Variants in ZEB1 observed in about 807,000 individuals in gnomAD.
The protein encoded by ZEB1 is zinc finger E-box-binding homeobox 1.
ZEB1 carries 21 observed loss-of-function variants against 84.9 expected under a neutral mutation model. That is an observed-to-expected ratio of 0.25 (90% CI 0.18 to 0.36). ZEB1 has a LOEUF of 0.36. Ranked by LOEUF, ZEB1 falls within the 10% of genes least tolerant of loss-of-function variation. The probability of loss-of-function intolerance (pLI) is 1.00; values close to 1 mark genes in which losing one functional copy is unlikely to be tolerated. For missense variants in ZEB1, 1,104 were observed against 1,330.2 expected (o/e 0.83, Z 2.65); for synonymous variants, 420 against 471.1 (o/e 0.89, Z 1.41).
intron 2 of ZEB1, among the ~76,000 whole-genome samples, chr10:31,473,010 C>G (rs1301657916): frequency 2.9e-5 from 4 of 139,548 alleles, no homozygotes; most frequent in Admixed American, 6.8e-5. Flanking sequence ...ATTCAACAAC[C>G]CTTCATGCTA....
intron 2 of ZEB1, among the ~76,000 whole-genome samples, chr10:31,472,474 C>T (rs1422484804): frequency 1.3e-5 from 2 of 151,878 alleles, no homozygotes; most frequent in African/African-American, 2.4e-5. Context: ...TGGATACATT[C>T]CTCGACACAT....
intron 1 of ZEB1, among the ~76,000 whole-genome samples, chr10:31,400,027 T>C (rs944200000): frequency 1.3e-5 from 2 of 152,220 alleles, no homozygotes; most frequent in South Asian, 4.1e-4. Context: ...AAGCTTTCTT[T>C]AGCCACTTGA....
intron 2 of ZEB1, among the ~76,000 whole-genome samples, chr10:31,489,003 G>A (rs1258404630): frequency 6.6e-6 from 1 of 151,138 alleles, no homozygotes; most frequent in Non-Finnish European, 1.5e-5. Context: ...AATGTTGCCT[G>A]GTTCTTCTAT....
intron 1 of ZEB1, among the ~76,000 whole-genome samples, chr10:31,395,807 C>T (rs1211112857): frequency 6.6e-6 from 1 of 152,186 alleles, no homozygotes; most frequent in African/African-American, 2.4e-5. Context: ...AATTCTAGCA[C>T]TGAATGAAAC....
chr10:31,441,349 G>A (rs1463947594), intron 1 of ZEB1, among the ~76,000 whole-genome samples: 4 of 152,328 alleles, frequency 2.6e-5, no homozygotes, highest in African/African-American at 7.2e-5. Context: ...AAACTGACTA[G>A]CCATATGTGG....
chr10:31,514,848 G>A, intron 6 of ZEB1, 140 bp downstream of exon 6: 1 of 680,164 alleles, frequency 1.5e-6, no homozygotes. Context: ...GAAATTTTAT[G>A]TTTATTTTAT....
chr10:31,427,858 CA>C (rs60403022), intron 1 of ZEB1, among the ~76,000 whole-genome samples: 7,002 of 119,218 alleles, frequency 0.059, 491 homozygotes, highest in African/African-American at 0.19. Context: ...GACTCCATCT[CA>C]AAAAAAAAAA....
chr10:31,469,394 A>G (rs1234574377), intron 2 of ZEB1, among the ~76,000 whole-genome samples: 1 of 152,170 alleles, frequency 6.6e-6, no homozygotes, highest in African/African-American at 2.4e-5. Flanking sequence ...GCATTGCCTC[A>G]CTCGGGAAGC....
intron 5 of ZEB1, among the ~76,000 whole-genome samples, chr10:31,512,934 A>G (rs1041758262): frequency 6.6e-6 from 1 of 152,200 alleles, no homozygotes; most frequent in Non-Finnish European, 1.5e-5. Flanking sequence ...GCACACACTG[A>G]GAACAGCAGA....
At chr10:31,402,821 CTCACTTTA>C (rs1361936276) in intron 1 of ZEB1, among the ~76,000 whole-genome samples, 9 of 152,116 alleles carry the variant, frequency 5.9e-5, no homozygotes, top group African/African-American at 2.2e-4. Flanking sequence ...CAACTGCCAT[CTCACTTTA>C]TCTTTTTTCT....
chr10:31,470,406 C>T (rs1465306858), intron 2 of ZEB1, among the ~76,000 whole-genome samples: 2 of 148,678 alleles, frequency 1.3e-5, no homozygotes, highest in African/African-American at 5.0e-5. Flanking sequence ...TCGAGAACTA[C>T]GTGAAGAATG....
chr10:31,488,521 T>G (rs1035228696), intron 2 of ZEB1, among the ~76,000 whole-genome samples: 13 of 134,054 alleles, frequency 9.7e-5, no homozygotes, highest in African/African-American at 4.6e-4. Flanking sequence ...GTCTCACTGT[T>G]TTTTTTTTTA....
chr10:31,415,552 G>T (rs1158365075), intron 1 of ZEB1, among the ~76,000 whole-genome samples: 2 of 151,606 alleles, frequency 1.3e-5, no homozygotes, highest in African/African-American at 4.8e-5. Flanking sequence ...AATCTTATTG[G>T]ACTTGTTTAA....
intron 1 of ZEB1, among the ~76,000 whole-genome samples, chr10:31,322,979 T>C (rs1265428247): frequency 6.6e-6 from 1 of 152,142 alleles, no homozygotes; most frequent in Non-Finnish European, 1.5e-5. Context: ...TTCTGAGTCT[T>C]ATTGTTACTT....
At chr10:31,515,492 G>A (rs2070908700) in intron 6 of ZEB1, among the ~76,000 whole-genome samples, 1 of 151,912 alleles carries the variant, frequency 6.6e-6, no homozygotes, top group Admixed American at 6.6e-5. Flanking sequence ...ACCATGAATG[G>A]GAAATTATGG....
chr10:31,321,577 A>C, intron 1 of ZEB1: 1 of 1,613,960 alleles, frequency 6.2e-7, no homozygotes, highest in South Asian at 1.1e-5. Context: ...CCTTATTTAA[A>C]ATGTTGATCG....
chr10:31,423,519 G>T (rs575768502), intron 1 of ZEB1, among the ~76,000 whole-genome samples: 3 of 152,010 alleles, frequency 2.0e-5, no homozygotes, highest in Non-Finnish European at 2.9e-5. Flanking sequence ...AATTATTCCA[G>T]TAACAAAGGT....
intron 2 of ZEB1, among the ~76,000 whole-genome samples, chr10:31,474,259 C>G (rs2063728770): frequency 6.6e-6 from 1 of 151,500 alleles, no homozygotes; most frequent in Non-Finnish European, 1.5e-5. Context: ...AAACTACCAT[C>G]AGAGTGAACA....
intron 2 of ZEB1, among the ~76,000 whole-genome samples, chr10:31,464,568 A>G (rs961206021): frequency 6.6e-6 from 1 of 152,212 alleles, no homozygotes; most frequent in Non-Finnish European, 1.5e-5. Context: ...AGTCCAATAG[A>G]TTGAACATAA....
Sources: allele counts gnomAD v4.1 joint callset (sites outside exome capture counted in the v4.1 genomes callset), GRCh38; gene constraint gnomAD v4.1.1; transcripts MANE v1.5; gene names NCBI Gene and HGNC (gene_info 2026-07-23, HGNC 2026-07-21).